The following FAM178B variants were observed in gnomAD, a reference collection of about 807,000 sequenced individuals.
FAM178B encodes the protein family with sequence similarity 178 member B.
Under a neutral mutation model 91.7 loss-of-function variants are expected in FAM178B, and 82 were observed. The ratio of observed to expected loss-of-function variants is 0.89; its 90% CI spans 0.75 to 1.07. The LOEUF is 1.07. Ranked by LOEUF, FAM178B falls within the 50% of genes least tolerant of loss-of-function variation. FAM178B has a pLI of 0.00. For synonymous variants in FAM178B, 368 were observed against 359.4 expected (o/e 1.02, Z -0.27); for missense variants, 769 against 846.7 (o/e 0.91, Z 1.14).
intron 16 of FAM178B, 21 bp from the exon 17 acceptor site, chr2:96,876,329 G>A: frequency 1.3e-6 from 2 of 1,589,862 alleles, no homozygotes; most frequent in Middle Eastern, 1.7e-4. Flanking sequence ...GAGAAAAGCA[G>A]GCTGTGAGGG....
At chr2:96,926,204 G>C (rs956514291) in intron 9 of FAM178B, among the ~76,000 whole-genome samples, 5 of 152,218 alleles carry the variant, frequency 3.3e-5, no homozygotes, top group African/African-American at 9.6e-5. Flanking sequence ...TCAGGAGGCT[G>C]AGGCAGGAGA....
At position 96,894,093 on chromosome 2, in the gene FAM178B, G is replaced by C. The variant is rs965201956; in HGVS notation, c.1651-42C>G. ...AGGCTGTCACTCACAGAGGGTGGTG[G>C]CCAAGAGCTCAGGGTGCTCCCGGGA... is the stretch of plus-strand genomic sequence containing the variant. On this transcript the variant is annotated intron_variant, in intron 13 of 16. Coordinates refer to ENST00000490605, the MANE Select transcript of FAM178B (RefSeq NM_001122646.3). 3.2e-6 allele frequency: 5 copies of C among 1,569,384 alleles called. No individual in the cohort carries two copies. The African/African-American group carries it at 6.8e-5, about 21-fold the overall frequency.
At chr2:96,884,214 T>C (rs1259079645) in intron 14 of FAM178B, among the ~76,000 whole-genome samples, 1 of 150,120 alleles carries the variant, frequency 6.7e-6, no homozygotes, top group African/African-American at 2.5e-5. Flanking sequence ...ATGGGGAGGG[T>C]TCCTGATGTG....
intron 1 of FAM178B, chr2:96,977,722 T>G: frequency 2.4e-6 from 1 of 414,942 alleles, no homozygotes; most frequent in South Asian, 1.7e-5. Context: ...GGAAGGATAT[T>G]TCCTCCTTTT....
chr2:96,958,594 G>A (rs1161235725), intron 6 of FAM178B, among the ~76,000 whole-genome samples: 3 of 151,244 alleles, frequency 2.0e-5, no homozygotes, highest in African/African-American at 7.3e-5. Context: ...GCAGGCTGAG[G>A]TGGGAGAATT....
intron 8 of FAM178B, among the ~76,000 whole-genome samples, chr2:96,932,021 G>C (rs768306815): frequency 3.3e-5 from 5 of 152,180 alleles, no homozygotes; most frequent in Admixed American, 6.5e-5. Flanking sequence ...GACTGTGCAC[G>C]TATGTGCATG....
intron 1 of FAM178B, among the ~76,000 whole-genome samples, chr2:96,978,260 T>C (rs2153376278): frequency 6.6e-6 from 1 of 152,308 alleles, no homozygotes; most frequent in African/African-American, 2.4e-5. Flanking sequence ...GAACATCATC[T>C]TCCTTGACTT....
chr2:96,889,976 T>TAAA (rs11457991), intron 14 of FAM178B, among the ~76,000 whole-genome samples: 6 of 141,408 alleles, frequency 4.2e-5, no homozygotes, highest in Middle Eastern at 3.6e-3. Flanking sequence ...CCATCTTTAT[T>TAAA]AAAAAAAAAA....
intron 13 of FAM178B, among the ~76,000 whole-genome samples, chr2:96,899,851 CTTTTTTT>C (rs78433909): frequency 3.5e-5 from 4 of 113,514 alleles, no homozygotes; most frequent in African/African-American, 1.0e-4. Flanking sequence ...ATTCCCCACT[CTTTTTTT>C]TTTTTTTTTT....
At chr2:96,948,136 G>T (rs2081861467) in intron 7 of FAM178B, among the ~76,000 whole-genome samples, 1 of 152,226 alleles carries the variant, frequency 6.6e-6, no homozygotes, top group East Asian at 1.9e-4. Flanking sequence ...CCAGCACTCA[G>T]GCCCAGACAC....
At chr2:96,879,870 C>CCTGCTGGCGATGCA (rs577444200) in intron 14 of FAM178B, among the ~76,000 whole-genome samples, 232 of 152,388 alleles carry the variant, frequency 1.5e-3, no homozygotes, top group African/African-American at 5.4e-3. Flanking sequence ...GCCCAGCTGG[C>CCTGCTGGCGATGCA]CTGCTGGCGA....
chr2:96,975,907 C>T (rs1031039544), intron 1 of FAM178B, among the ~76,000 whole-genome samples: 2 of 152,150 alleles, frequency 1.3e-5, no homozygotes, highest in Admixed American at 1.3e-4. Context: ...ACCACCGCGC[C>T]CGATCTAATA....
intron 14 of FAM178B, among the ~76,000 whole-genome samples, chr2:96,887,951 T>C (rs1261920585): frequency 6.6e-6 from 1 of 152,102 alleles, no homozygotes; most frequent in East Asian, 1.9e-4. Flanking sequence ...CCTCCGCAGC[T>C]TAACTCTCTC....
chr2:96,952,964 G>A (rs1212493058), intron 6 of FAM178B, among the ~76,000 whole-genome samples: 1 of 151,946 alleles, frequency 6.6e-6, no homozygotes, highest in Non-Finnish European at 1.5e-5. Flanking sequence ...CTTTAAAAAG[G>A]ACATCATTTT....
intron 12 of FAM178B, among the ~76,000 whole-genome samples, chr2:96,905,848 A>ATGTGTGTGTGTG (rs1559064276): frequency 0.054 from 1,428 of 26,470 alleles, 88 homozygotes; most frequent in Middle Eastern, 0.11. Context: ...ATATATATAT[A>ATGTGTGTGTGTG]TATATATATA....
At chr2:96,918,177 T>TA (rs1210907357) in intron 12 of FAM178B, among the ~76,000 whole-genome samples, 1,704 of 118,608 alleles carry the variant, frequency 0.014, 37 homozygotes, top group African/African-American at 0.047. Context: ...ACTGAAAAAG[T>TA]AAAAAAAAAA....
intron 14 of FAM178B, 103 bp from the exon 15 acceptor site, chr2:96,878,596 G>T: frequency 9.3e-7 from 1 of 1,079,580 alleles, no homozygotes; most frequent in Non-Finnish European, 1.4e-6. Flanking sequence ...GGCAGGCCAG[G>T]CAGGGGCTCA....
At chr2:96,979,525 T>C (rs1230437767) in intron 1 of FAM178B, among the ~76,000 whole-genome samples, 2 of 152,170 alleles carry the variant, frequency 1.3e-5, no homozygotes, top group Non-Finnish European at 2.9e-5. Flanking sequence ...CTTTATCCAA[T>C]CATCTGTTGA....
At chr2:96,887,511 G>T (rs906668769) in intron 14 of FAM178B, among the ~76,000 whole-genome samples, 1 of 152,210 alleles carries the variant, frequency 6.6e-6, no homozygotes, top group Non-Finnish European at 1.5e-5. Context: ...ATCCAAGGAC[G>T]GGAGAGACAG....
Sources: gnomAD v4.1 joint callset for allele counts (sites outside exome capture counted in the v4.1 genomes callset) on GRCh38, gnomAD v4.1.1 for gene constraint, MANE v1.5 for transcripts, NCBI Gene and HGNC (gene_info 2026-07-23, HGNC 2026-07-21) for gene names.